SBF2: variants seen among roughly 807,000 people sequenced by gnomAD.
SBF2 encodes the protein SET binding factor 2, also known as myotubularin-related protein 13.
Under a neutral mutation model 225.2 loss-of-function variants are expected in SBF2, and 112 were observed. The observed-to-expected ratio is 0.50, with a 90% confidence interval of 0.43 to 0.58. The LOEUF is 0.58. Ranked by LOEUF, SBF2 falls within the 20% of genes least tolerant of loss-of-function variation. The pLI is 0.00. For missense variants in SBF2, 1,996 were observed against 2,206.2 expected (o/e 0.90, Z 1.91); for synonymous variants, 763 against 773.3 (o/e 0.99, Z 0.22).
intron 1 of SBF2, among the ~76,000 whole-genome samples, chr11:10,302,098 T>C (rs1964604522): frequency 1.3e-5 from 2 of 152,212 alleles, no homozygotes; most frequent in African/African-American, 2.4e-5. Flanking sequence ...TCACTGCCAC[T>C]TGAATGGATG....
chr11:10,057,266 C>A (rs1353155892), intron 2 of SBF2, among the ~76,000 whole-genome samples: 1 of 152,140 alleles, frequency 6.6e-6, no homozygotes, highest in African/African-American at 2.4e-5. Context: ...CCAGCCACCC[C>A]CTGCCAGAAC....
intron 29 of SBF2, among the ~76,000 whole-genome samples, chr11:9,814,002 A>G (rs189547775): frequency 6.6e-5 from 10 of 152,232 alleles, no homozygotes; most frequent in Admixed American, 3.3e-4. Flanking sequence ...CTTTGGGATA[A>G]TATTTTTTCA....
At chr11:10,245,133 C>CAA (rs60827616) in intron 1 of SBF2, among the ~76,000 whole-genome samples, 22,002 of 92,236 alleles carry the variant, frequency 0.24, 2,690 homozygotes, top group East Asian at 0.33. Context: ...GACCCTGTCT[C>CAA]AAAAAAAAAA....
At chr11:10,294,959 A>G (rs2133640407), upstream of SBF2, among the ~76,000 whole-genome samples, 1 of 152,366 alleles carries the variant, frequency 6.6e-6, no homozygotes, top group African/African-American at 2.4e-5. Context: ...TCAAACATGC[A>G]CAAAAATGAA....
intron 2 of SBF2, among the ~76,000 whole-genome samples, chr11:10,063,219 T>C (rs1379027270): frequency 1.3e-5 from 2 of 151,842 alleles, no homozygotes; most frequent in African/African-American, 4.8e-5. Context: ...AACTATTGGG[T>C]ACTTGGCTTA....
chr11:9,832,553 A>G, intron 26 of SBF2, 133 bp from the exon 27 acceptor site: 1 of 698,584 alleles, frequency 1.4e-6, no homozygotes. Flanking sequence ...TAATTTTCTA[A>G]GATTCAGAAA....
intron 16 of SBF2, among the ~76,000 whole-genome samples, chr11:9,910,712 A>C (rs1185126352): frequency 1.2e-4 from 18 of 151,488 alleles, no homozygotes; most frequent in East Asian, 9.7e-4. Context: ...TAAAAAAAAA[A>C]CAACTTTTTT....
chr11:9,836,819 A>T (rs1855760970), intron 26 of SBF2, among the ~76,000 whole-genome samples: 3 of 152,164 alleles, frequency 2.0e-5, no homozygotes, highest in African/African-American at 7.2e-5. Context: ...AATGTTTTTT[A>T]GTGCTACTGT....
intron 4 of SBF2, among the ~76,000 whole-genome samples, chr11:10,030,307 C>T (rs1161181730): frequency 1.3e-5 from 2 of 152,082 alleles, no homozygotes; most frequent in Non-Finnish European, 2.9e-5. Flanking sequence ...GATTGCAAAA[C>T]AGAGACAAGA....
intron 2 of SBF2, among the ~76,000 whole-genome samples, chr11:10,170,529 G>A (rs1162644492): frequency 1.3e-5 from 2 of 151,972 alleles, no homozygotes; most frequent in Non-Finnish European, 2.9e-5. Flanking sequence ...GGTTACTATA[G>A]CTCTGTAGTT....
intron 2 of SBF2, among the ~76,000 whole-genome samples, chr11:10,043,313 A>C (rs558757577): frequency 6.6e-6 from 1 of 152,324 alleles, no homozygotes; most frequent in South Asian, 2.1e-4. Context: ...ATACATTAGA[A>C]ATCAAGGGCA....
chr11:10,297,833 A>G (rs951012136), upstream of SBF2, among the ~76,000 whole-genome samples: 4 of 152,238 alleles, frequency 2.6e-5, no homozygotes, highest in African/African-American at 9.6e-5. Context: ...CATATTTTGT[A>G]TACACTAAAG....
chr11:10,117,963 T>A (rs1026363586), intron 2 of SBF2, among the ~76,000 whole-genome samples: 1 of 152,190 alleles, frequency 6.6e-6, no homozygotes, highest in Non-Finnish European at 1.5e-5. Flanking sequence ...GCAGTTTCTA[T>A]GTCATTCTGC....
At chr11:9,795,705 A>C in intron 33 of SBF2, 126 bp downstream of exon 33, 1 of 1,204,782 alleles carries the variant, frequency 8.3e-7, no homozygotes, top group Non-Finnish European at 1.2e-6. Flanking sequence ...ACTCCTCTAC[A>C]TTCATAGTTC....
chr11:10,203,802 T>A lies in SBF2; in HGVS notation c.56-9815A>T, dbSNP rs183666525. Among the ~76,000 whole-genome samples the A allele has an allele frequency of 6.4e-3, 925 of 143,858 alleles. 5 individuals carry two copies. The highest frequency in any genetic ancestry group is 0.018 in the Middle Eastern group (5 of 278). The allele number at this position is 143,858 out of a possible 152,430, so 94.4% of individuals were successfully genotyped here. On this transcript the variant is annotated intron_variant, in intron 1 of 39. Transcript: ENST00000256190. ...AGGAAAAAAAGGTTAATGGTTGTTATATGATAGAAACTTCCAAAATGAAAC... is the reference window on the plus strand; with the variant it reads ...AGGAAAAAAAGGTTAATGGTTGTTAAATGATAGAAACTTCCAAAATGAAAC...
At chr11:10,222,595 A>G (rs911619995) in intron 1 of SBF2, among the ~76,000 whole-genome samples, 1 of 152,166 alleles carries the variant, frequency 6.6e-6, no homozygotes, top group Non-Finnish European at 1.5e-5. Flanking sequence ...AGAAAAAGCA[A>G]ATTGGGGGGA....
At chr11:9,824,087 T>G (rs10840309) in intron 28 of SBF2, among the ~76,000 whole-genome samples, 44,003 of 152,020 alleles carry the variant, frequency 0.29, 7,042 homozygotes, top group African/African-American at 0.42. Flanking sequence ...GATATGCACA[T>G]AGTGGTCATA....
intron 17 of SBF2, among the ~76,000 whole-genome samples, chr11:9,862,222 T>C (rs1364838906): frequency 2.0e-5 from 3 of 152,242 alleles, no homozygotes; most frequent in Non-Finnish European, 2.9e-5. Flanking sequence ...TTGTGGTTTC[T>C]TGCTTTGTCT....
intron 38 of SBF2, among the ~76,000 whole-genome samples, chr11:9,782,613 G>A (rs1297749659): frequency 6.6e-6 from 1 of 152,176 alleles, no homozygotes; most frequent in African/African-American, 2.4e-5. Flanking sequence ...GCTCATGCCT[G>A]TAATCCTAAC....
Sources: gnomAD v4.1 joint callset for allele counts (sites outside exome capture counted in the v4.1 genomes callset) on GRCh38, gnomAD v4.1.1 for gene constraint, MANE v1.5 for transcripts, NCBI Gene and HGNC (gene_info 2026-07-23, HGNC 2026-07-21) for gene names.